DYM: variants seen among roughly 807,000 people sequenced by gnomAD.
DYM encodes the protein dymeclin, also known as dyggve-Melchior-Clausen syndrome protein.
In DYM, 78 loss-of-function variants were observed where a neutral mutation model predicts 93.1. That is an observed-to-expected ratio of 0.84 (90% CI 0.70 to 1.01). The LOEUF is 1.01. DYM is among the 50% of genes least tolerant of loss of function. DYM has a pLI of 0.00. For missense variants in DYM, 789 were observed against 845.0 expected, an observed-to-expected ratio of 0.93 and a Z score of 0.82; for synonymous variants, 321 against 319.7, an observed-to-expected ratio of 1.00 and a Z score of -0.04.
chr18:49,097,363 C>A (rs1341900972), intron 17 of DYM, 39 bp downstream of exon 17: 2 of 1,574,906 alleles, frequency 1.3e-6, no homozygotes, highest in Non-Finnish European at 1.7e-6. Flanking sequence ...CATCAAGGGA[C>A]ACGGCAGTGT....
At chr18:49,074,763 C>T (rs1271801722) in intron 17 of DYM, among the ~76,000 whole-genome samples, 1 of 152,182 alleles carries the variant, frequency 6.6e-6, no homozygotes, top group Non-Finnish European at 1.5e-5. Context: ...ATCTGAAGAA[C>T]CGTTACTTGT....
At chr18:49,162,161 A>T (rs1379112670) in intron 15 of DYM, among the ~76,000 whole-genome samples, 1 of 152,202 alleles carries the variant, frequency 6.6e-6, no homozygotes, top group Non-Finnish European at 1.5e-5. Flanking sequence ...CTTTCCTATT[A>T]TTATATTATG....
At chr18:49,414,886 G>A (rs181828208) in intron 2 of DYM, among the ~76,000 whole-genome samples, 2 of 152,140 alleles carry the variant, frequency 1.3e-5, no homozygotes, top group African/African-American at 4.8e-5. Context: ...AACTGCATGA[G>A]AGCAGGGACT....
intron 11 of DYM, among the ~76,000 whole-genome samples, chr18:49,258,901 G>T: frequency 6.9e-6 from 1 of 145,732 alleles, no homozygotes; most frequent in South Asian, 2.2e-4. Flanking sequence ...CAGGCAGGCC[G>T]GCAGACAGGT....
intron 17 of DYM, among the ~76,000 whole-genome samples, chr18:49,093,684 G>A (rs2079285141): frequency 6.6e-6 from 1 of 152,150 alleles, no homozygotes; most frequent in Non-Finnish European, 1.5e-5. Context: ...GGAGGCAGAA[G>A]AGAGTGACTG....
intron 13 of DYM, among the ~76,000 whole-genome samples, chr18:49,220,243 T>G (rs1245734603): frequency 3.3e-4 from 49 of 150,734 alleles, no homozygotes; most frequent in South Asian, 1.5e-3. Flanking sequence ...CACTGCTCAA[T>G]GAAATAAAAG....
chr18:49,163,066 T>C (rs1459389241), intron 15 of DYM, among the ~76,000 whole-genome samples: 1 of 152,236 alleles, frequency 6.6e-6, no homozygotes, highest in Non-Finnish European at 1.5e-5. Flanking sequence ...CTTTGCATAC[T>C]TCCTATAAAA....
chr18:49,397,121 T>G (rs913343538), intron 2 of DYM, among the ~76,000 whole-genome samples: 1 of 152,222 alleles, frequency 6.6e-6, no homozygotes, highest in African/African-American at 2.4e-5. Context: ...TGCCCTGATT[T>G]AATCATTACA....
intron 8 of DYM, among the ~76,000 whole-genome samples, chr18:49,324,235 G>A (rs1365455725): frequency 6.7e-6 from 1 of 149,184 alleles, no homozygotes; most frequent in Non-Finnish European, 1.5e-5. Flanking sequence ...CTGCCGTACT[G>A]ACTATACTTA....
intron 17 of DYM, among the ~76,000 whole-genome samples, chr18:49,083,086 C>T (rs1265325337): frequency 7.5e-6 from 1 of 133,476 alleles, no homozygotes; most frequent in Non-Finnish European, 1.8e-5. Context: ...GCTTTGTGAG[C>T]CAATATGATC....
chr18:49,168,543 C>T (rs1049769397), intron 14 of DYM, among the ~76,000 whole-genome samples: 2 of 151,986 alleles, frequency 1.3e-5, no homozygotes, highest in Non-Finnish European at 2.9e-5. Flanking sequence ...GAGATGACAC[C>T]AGAATGAAGA....
intron 15 of DYM, among the ~76,000 whole-genome samples, chr18:49,143,996 T>A (rs769915182): frequency 9.2e-5 from 14 of 152,098 alleles, no homozygotes; most frequent in Admixed American, 2.6e-4. Context: ...TTTTCACACA[T>A]AAAAAATTAA....
chr18:49,071,726 G>A (rs1427568152), intron 17 of DYM, among the ~76,000 whole-genome samples: 5 of 152,148 alleles, frequency 3.3e-5, no homozygotes, highest in African/African-American at 1.2e-4. Context: ...TCCAAAGGGG[G>A]AAAAAAGAGT....
chr18:49,211,299 T>C (rs1340653643), intron 13 of DYM, among the ~76,000 whole-genome samples: 1 of 152,180 alleles, frequency 6.6e-6, no homozygotes, highest in Non-Finnish European at 1.5e-5. Flanking sequence ...TAAGAATTAT[T>C]ACTATTATTG....
intron 8 of DYM, among the ~76,000 whole-genome samples, chr18:49,297,721 CACA>C (rs1381270857): frequency 3.3e-5 from 5 of 149,806 alleles, no homozygotes; most frequent in Non-Finnish European, 7.4e-5. Context: ...AAAATGAACA[CACA>C]ACAAAAGAAA....
intron 6 of DYM, among the ~76,000 whole-genome samples, chr18:49,347,505 C>T (rs993072865): frequency 3.9e-5 from 6 of 152,232 alleles, no homozygotes; most frequent in African/African-American, 1.4e-4. Context: ...GTCGCCGATT[C>T]GAAATGAAGA....
rs769493395 is a variant in DYM at position 49,332,002 on chromosome 18, G to T, written c.625C>A (p.Pro209Thr). The T allele has an allele frequency of 6.2e-7, 1 of 1,613,364 alleles. No homozygotes were observed. The highest frequency in any genetic ancestry group is 8.5e-7 in the Non-Finnish European group (1 of 1,179,718). The change falls in exon 8 of 18, where the codon CCA becomes ACA. Residue 209 changes from proline (P) to threonine (T), a missense_variant. Physicochemically the swap from Pro to Thr is conservative, Grantham distance 38. Around this residue, in one of 3 missense-constraint regions of DYM, gnomAD observed 450 missense variants for 436.2 expected, o/e 1.03. Coordinates refer to ENST00000675505, the MANE Select transcript of DYM (RefSeq NM_001353214.3). Reference protein sequence around the residue: ...HKYLMRGPCLPYTSKLVKTLL... With the variant: ...HKYLMRGPCLTYTSKLVKTLL... ...GTCTTCACAAGTTTGCTGGTGTATGGAAGACTATACAAAAAGGAAAAAAAA... is the reference window on the plus strand; with the variant it reads ...GTCTTCACAAGTTTGCTGGTGTATGTAAGACTATACAAAAAGGAAAAAAAA...
intron 8 of DYM, among the ~76,000 whole-genome samples, chr18:49,295,825 C>A (rs1187506949): frequency 1.3e-5 from 2 of 151,694 alleles, no homozygotes; most frequent in African/African-American, 4.8e-5. Context: ...GATTTACATG[C>A]TTTGCTAAAA....
At chr18:49,453,235 C>T (rs1028825682) in intron 1 of DYM, among the ~76,000 whole-genome samples, 8 of 151,322 alleles carry the variant, frequency 5.3e-5, no homozygotes, top group Admixed American at 2.0e-4. Context: ...GGATTGTACA[C>T]GCACCAATCA....
Sources: gnomAD v4.1 joint callset for allele counts (sites outside exome capture counted in the v4.1 genomes callset) on GRCh38, gnomAD v4.1.1 for gene constraint, gnomAD v4.1.1 regional missense constraint, MANE v1.5 for transcripts, NCBI Gene and HGNC (gene_info 2026-07-23, HGNC 2026-07-21) for gene names.